The following SULT2B1 variants were observed in gnomAD, a reference collection of about 807,000 sequenced individuals.
SULT2B1 encodes the protein sulfotransferase family 2B member 1, also known as sulfotransferase 2B1.
Under a neutral mutation model 33.2 loss-of-function variants are expected in SULT2B1, and 16 were observed. The ratio of observed to expected loss-of-function variants is 0.48; its 90% CI spans 0.33 to 0.73. The LOEUF is 0.73. Ranked by LOEUF, SULT2B1 falls within the 30% of genes least tolerant of loss-of-function variation. The pLI is 0.02. For missense variants in SULT2B1, 500 were observed against 506.0 expected (o/e 0.99, Z 0.11); for synonymous variants, 186 against 200.5 (o/e 0.93, Z 0.61).
At chr19:48,572,716 C>T (rs147421129) in intron 1 of SULT2B1, among the ~76,000 whole-genome samples, 174 of 151,808 alleles carry the variant, frequency 1.1e-3, no homozygotes, top group African/African-American at 4.0e-3. Context: ...GGAGGGGCAG[C>T]GGAGAAGACC....
intron 1 of SULT2B1, among the ~76,000 whole-genome samples, chr19:48,572,444 G>A (rs1399291278): frequency 6.6e-6 from 1 of 152,000 alleles, no homozygotes; most frequent in African/African-American, 2.4e-5. Flanking sequence ...ACCCAGGAAG[G>A]CGGAGGTTGC....
chr19:48,570,720 T>G (rs1425951091), intron 1 of SULT2B1, among the ~76,000 whole-genome samples: 3 of 98,892 alleles, frequency 3.0e-5, no homozygotes, highest in Non-Finnish European at 4.3e-5. Flanking sequence ...TGTTTTCCGT[T>G]TTTGTTTTTG....
intron 3 of SULT2B1, among the ~76,000 whole-genome samples, chr19:48,590,472 C>T (rs1002847977): frequency 9.9e-5 from 15 of 152,042 alleles, no homozygotes; most frequent in Middle Eastern, 3.4e-3. Context: ...CATGGTGGCA[C>T]CCACCTGTAG....
At chr19:48,581,462 A>C (rs902465417) in intron 2 of SULT2B1, among the ~76,000 whole-genome samples, 6 of 131,212 alleles carry the variant, frequency 4.6e-5, no homozygotes, top group Non-Finnish European at 6.2e-5. Context: ...CTTATCATTG[A>C]GATTTGAGAG....
At chr19:48,574,086 T>A (rs1056684611) in intron 1 of SULT2B1, among the ~76,000 whole-genome samples, 1 of 152,162 alleles carries the variant, frequency 6.6e-6, no homozygotes, top group African/African-American at 2.4e-5. Flanking sequence ...GGTCTCGAAC[T>A]CCTGGCCTCA....
rs780176168 is a variant in SULT2B1, at chr19:48,596,699, G to A, written c.646-40G>A. 14 of 1,539,182 alleles carry A rather than the reference G, an allele frequency of 9.1e-6. 1 individual carries two copies. The highest frequency in any genetic ancestry group is 4.5e-4 in the Middle Eastern group (2 of 4,442). On this transcript the variant is annotated intron_variant, in intron 5 of 6. Coordinates refer to ENST00000201586, the MANE Select transcript of SULT2B1 (RefSeq NM_177973.2). ...CAGGTTCCACGCTCCTTCCTTGGCC[G>A]AGTGCCCTCCCTCCGCTGACCCCTC...
intron 2 of SULT2B1, among the ~76,000 whole-genome samples, chr19:48,581,029 CTTTTTTTTTT>C (rs57093444): frequency 3.1e-5 from 2 of 65,070 alleles, no homozygotes; most frequent in Admixed American, 2.6e-4. Context: ...ATATATATTC[CTTTTTTTTTT>C]TTTTTTTTTT....
At chr19:48,589,602 CAT>C (rs1568412699) in intron 3 of SULT2B1, among the ~76,000 whole-genome samples, 1 of 152,182 alleles carries the variant, frequency 6.6e-6, no homozygotes, top group African/African-American at 2.4e-5. Context: ...TAGCAAAACT[CAT>C]AGTGTTCAGC....
At chr19:48,569,656 G>A (rs77181213) in intron 1 of SULT2B1, among the ~76,000 whole-genome samples, 97,486 of 149,782 alleles carry the variant, frequency 0.65, 32,138 homozygotes, top group African/African-American at 0.76. Context: ...GAGCCACCAT[G>A]CCTGGCCTCA....
intron 1 of SULT2B1, among the ~76,000 whole-genome samples, chr19:48,560,834 C>T (rs1601087193): frequency 6.6e-6 from 1 of 151,856 alleles, no homozygotes. Context: ...TGGTGGCTCA[C>T]ATCTGTAATC....
chr19:48,596,691 C>A (rs764129407), intron 5 of SULT2B1, 48 bp from the exon 6 acceptor site: 1 of 1,522,844 alleles, frequency 6.6e-7, no homozygotes. Context: ...CACGCTCCTT[C>A]CTTGGCCGAG....
intron 5 of SULT2B1, among the ~76,000 whole-genome samples, chr19:48,593,957 T>C (rs992026833): frequency 1.3e-5 from 2 of 151,936 alleles, no homozygotes; most frequent in African/African-American, 4.8e-5. Context: ...AACTAGTTTT[T>C]ATTTTAAGAT....
At chr19:48,577,277 G>C (rs1973426206) in intron 2 of SULT2B1, among the ~76,000 whole-genome samples, 7 of 141,974 alleles carry the variant, frequency 4.9e-5, no homozygotes. Flanking sequence ...GGCTGGTCTT[G>C]AACTCCTGAC....
At chr19:48,579,605 C>CTTTTTT (rs149157128) in intron 2 of SULT2B1, among the ~76,000 whole-genome samples, 7 of 79,756 alleles carry the variant, frequency 8.8e-5, no homozygotes, top group African/African-American at 3.0e-4. Context: ...TTCTTTCTTT[C>CTTTTTT]TTTTTTTTTT....
At chr19:48,561,829 C>T (rs970342221) in intron 1 of SULT2B1, among the ~76,000 whole-genome samples, 2 of 152,106 alleles carry the variant, frequency 1.3e-5, no homozygotes, top group African/African-American at 4.8e-5. Context: ...CCAAAATGGG[C>T]CTTGGCTGGG....
intron 5 of SULT2B1, 59 bp downstream of exon 5, chr19:48,592,875 C>A: frequency 2.1e-6 from 3 of 1,434,168 alleles, no homozygotes; most frequent in Non-Finnish European, 2.9e-6. Context: ...TCACACCCCA[C>A]ACTCTCCCCT....
In SULT2B1 at chr19:48,599,361, C is replaced by CA; in HGVS notation, c.1054dup (p.Ser352LysfsTer7). 1 of 1,568,858 alleles carries CA rather than the reference C, an allele frequency of 6.4e-7. No individual in the cohort carries two copies. The highest frequency in any genetic ancestry group is 8.6e-7 in the Non-Finnish European group (1 of 1,156,884). On this transcript the variant is annotated frameshift_variant, in exon 7 of 7. Coordinates refer to ENST00000201586, the MANE Select transcript of SULT2B1 (RefSeq NM_177973.2). LOFTEE classifies it low-confidence loss of function (END_TRUNC). This position sits in a 1 kb window ranked among gnomAD's most constrained non-coding sequence, Gnocchi z 4.1. ...CCAGACCCAACTCCAGCCCCAGCCC[C>CA]AGCCCCGGCCAGGCCTCTGAGACCC...
At chr19:48,590,392 G>A (rs975822735) in intron 3 of SULT2B1, among the ~76,000 whole-genome samples, 12 of 151,952 alleles carry the variant, frequency 7.9e-5, no homozygotes, top group Non-Finnish European at 1.2e-4. Context: ...ACTTGAGGCC[G>A]GGAGTTTGAG....
chr19:48,555,928 C>T lies in SULT2B1; in HGVS notation c.71+3605C>T, dbSNP rs182995828. Among the ~76,000 whole-genome samples, 266 of 152,120 alleles carry T rather than the reference C, an allele frequency of 1.7e-3. 1 individual carries two copies. The highest frequency in any genetic ancestry group is 5.8e-3 in the African/African-American group (241 of 41,492). On this transcript the variant is annotated intron_variant, in intron 1 of 6. Transcript: ENST00000201586. ...CTAATTTTTTGTATTTTAGTAGAAA[C>T]GGGGTTTCACCATGTTGGCCAGGCT...
Sources: gnomAD v4.1 joint callset for allele counts (sites outside exome capture counted in the v4.1 genomes callset) on GRCh38, gnomAD v4.1.1 for gene constraint, Gnocchi (gnomAD v3.1) non-coding constraint, MANE v1.5 for transcripts, NCBI Gene and HGNC (gene_info 2026-07-23, HGNC 2026-07-21) for gene names.